ARHGAP17: variants seen among roughly 807,000 people sequenced by gnomAD.
ARHGAP17 encodes the protein rho GTPase-activating protein 17.
ARHGAP17 carries 57 observed loss-of-function variants against 99.5 expected under a neutral mutation model. That is an observed-to-expected ratio of 0.57 (90% CI 0.46 to 0.71). The LOEUF (loss-of-function observed/expected upper bound fraction) is 0.71. Among genes scored for constraint, ARHGAP17 ranks in the 30% least tolerant of loss-of-function variants. The pLI is 0.00. For synonymous variants in ARHGAP17, 417 were observed against 429.6 expected (o/e 0.97, Z 0.36); for missense variants, 1,000 against 1,122.4 (o/e 0.89, Z 1.56).
At chr16:24,965,954 C>G (rs1295181736) in intron 6 of ARHGAP17, among the ~76,000 whole-genome samples, 2 of 152,282 alleles carry the variant, frequency 1.3e-5, no homozygotes, top group Middle Eastern at 3.4e-3. Flanking sequence ...TTCAGCTTCT[C>G]CAACACCTAT....
chr16:24,978,914 A>G, intron 2 of ARHGAP17, 52 bp downstream of exon 2: 1 of 1,402,006 alleles, frequency 7.1e-7, no homozygotes, highest in Non-Finnish European at 9.6e-7. Context: ...TCACATAGGA[A>G]TTTTTTTCCA....
At chr16:24,953,492 T>G (rs1021466648) in intron 10 of ARHGAP17, among the ~76,000 whole-genome samples, 1 of 152,112 alleles carries the variant, frequency 6.6e-6, no homozygotes, top group African/African-American at 2.4e-5. Context: ...GAGTGAGATC[T>G]CACATGATCT....
At chr16:24,945,143 G>A (rs993881207) in intron 14 of ARHGAP17, among the ~76,000 whole-genome samples, 1 of 151,800 alleles carries the variant, frequency 6.6e-6, no homozygotes, top group African/African-American at 2.4e-5. Context: ...GGACAACATA[G>A]TGAAATCCCA....
chr16:24,941,662 C>G (rs1160465140), intron 16 of ARHGAP17: 1 of 275,392 alleles, frequency 3.6e-6, no homozygotes, highest in African/African-American at 2.3e-5. Context: ...AATTTATTTT[C>G]CTTTCTGTTT....
intron 1 of ARHGAP17, among the ~76,000 whole-genome samples, chr16:24,990,401 GT>G (rs2053002879): frequency 6.6e-6 from 1 of 151,884 alleles, no homozygotes; most frequent in Non-Finnish European, 1.5e-5. Flanking sequence ...TGGGAGGATT[GT>G]TTGAGCCCAG....
intron 6 of ARHGAP17, among the ~76,000 whole-genome samples, chr16:24,964,631 T>C (rs2052117290): frequency 6.6e-6 from 1 of 152,154 alleles, no homozygotes; most frequent in Admixed American, 6.5e-5. Context: ...TGGCCAACCA[T>C]GGAATCCCTG....
chr16:24,968,628 C>T lies in ARHGAP17; in HGVS notation c.384+33G>A, dbSNP rs187031035. The T allele has an allele frequency of 2.8e-5, 45 of 1,607,732 alleles. No homozygotes were observed. In the African/African-American group the frequency reaches 3.6e-4, roughly 13 times the overall value. ...CTCACTGTCCAGCCCACACCACTCT[C>T]GGCTCTTCCGTGCTGCACGGTGAAG... On this transcript the variant is annotated intron_variant, in intron 5 of 19. Coordinates refer to ENST00000289968, the MANE Select transcript of ARHGAP17 (RefSeq NM_001006634.3).
chr16:24,988,160 T>C (rs552549912), intron 1 of ARHGAP17, among the ~76,000 whole-genome samples: 14 of 152,344 alleles, frequency 9.2e-5, no homozygotes, highest in Non-Finnish European at 1.8e-4. Context: ...TTTTACTGTT[T>C]TATCTCATTA....
At position 24,960,526 on chromosome 16, in the gene ARHGAP17, G is replaced by A. The variant is rs540979610; in HGVS notation, c.574-547C>T. On this transcript the variant is annotated intron_variant, in intron 7 of 19. Coordinates refer to ENST00000289968, the MANE Select transcript of ARHGAP17 (RefSeq NM_001006634.3). ...TGTGCCACTGCACTCCAGCCTGGCC[G>A]ATAGAGTGAGACTCTGTCTAAAAAA... 4.0e-5 allele frequency among the ~76,000 whole-genome samples: 6 copies of A among 150,082 alleles called. No individual in the cohort carries two copies. The South Asian group carries it at 6.4e-4, about 16-fold the overall frequency.
At chr16:25,008,965 A>G (rs1276236997) in intron 1 of ARHGAP17, among the ~76,000 whole-genome samples, 2 of 152,164 alleles carry the variant, frequency 1.3e-5, no homozygotes, top group East Asian at 3.8e-4. Flanking sequence ...CGACAAGAGG[A>G]CCTCTTTCCA....
chr16:24,979,035 G>GA, intron 1 of ARHGAP17, 30 bp from the exon 2 acceptor site: 1 of 1,516,724 alleles, frequency 6.6e-7, no homozygotes, highest in Non-Finnish European at 9.0e-7. Flanking sequence ...TTCAGAGTTA[G>GA]AAATCCAAAA....
chr16:24,982,999 T>TATATATATATATA (rs59028948), intron 1 of ARHGAP17, among the ~76,000 whole-genome samples: 6 of 21,982 alleles, frequency 2.7e-4, no homozygotes, highest in African/African-American at 5.7e-4. Flanking sequence ...TATATATATT[T>TATATATATATATA]TTTTTTTTTT....
intron 1 of ARHGAP17, among the ~76,000 whole-genome samples, chr16:25,002,209 G>C (rs949758203): frequency 6.6e-6 from 1 of 152,088 alleles, no homozygotes; most frequent in Non-Finnish European, 1.5e-5. Context: ...AGGAATCATT[G>C]TAAAACAATG....
chr16:24,944,933 G>A (rs1423728243), intron 14 of ARHGAP17, among the ~76,000 whole-genome samples: 1 of 151,328 alleles, frequency 6.6e-6, no homozygotes, highest in Non-Finnish European at 1.5e-5. Flanking sequence ...CTTTTATTAT[G>A]TTGAAACCTG....
At chr16:24,952,157 G>C (rs994810993) in intron 12 of ARHGAP17, 132 bp downstream of exon 12, 1 of 609,474 alleles carries the variant, frequency 1.6e-6, no homozygotes, top group Admixed American at 3.6e-5. Context: ...ATAAATAAGA[G>C]CTGAGACATG....
In ARHGAP17 at chr16:24,920,049, C is replaced by G; in HGVS notation, c.*81G>C. 6.4e-7 allele frequency: 1 copy of G among 1,555,718 alleles called. No homozygotes were observed. Among genetic ancestry groups the G allele is most frequent in the South Asian group, 1.2e-5 (1 of 84,850 alleles). On this transcript the variant is annotated 3_prime_UTR_variant, in exon 20 of 20. Transcript: ENST00000289968. Reference sequence around the variant, plus strand: ...CCTCCACTGAAAGCTTTTCACTGTTCGGTCTGCAAAGAAAGAGGTTCGCCT... The same window carrying G: ...CCTCCACTGAAAGCTTTTCACTGTTGGGTCTGCAAAGAAAGAGGTTCGCCT...
chr16:24,941,055 A>G (rs1199323463), intron 16 of ARHGAP17, among the ~76,000 whole-genome samples: 1 of 152,224 alleles, frequency 6.6e-6, no homozygotes, highest in African/African-American at 2.4e-5. Flanking sequence ...GGGTTCAGAG[A>G]GGTAATACGT....
chr16:24,941,872 C>T lies in ARHGAP17; in HGVS notation c.1490+115G>A. ...ATTCCAGAAACTATCTGGACACCAT[C>T]AGTCATGGGTGGATGGCGACCACTC... On this transcript the variant is annotated intron_variant, in intron 16 of 19. Transcript: ENST00000289968. 2.2e-6 allele frequency: 3 copies of T among 1,394,864 alleles called. No homozygotes were observed. The South Asian group carries it at 3.6e-5, about 17-fold the overall frequency. 86.4% of individuals were successfully genotyped at this position (1,394,864 alleles called of 1,614,324 possible). A position where few individuals can be genotyped will look rare whatever the true frequency, so the allele number is the denominator to read the frequency against.
intron 1 of ARHGAP17, among the ~76,000 whole-genome samples, chr16:25,014,387 A>T (rs940197205): frequency 1.3e-5 from 2 of 152,138 alleles, no homozygotes; most frequent in Non-Finnish European, 2.9e-5. Flanking sequence ...ACCACAAATC[A>T]TTTCTTGTTC....
Sources: allele counts gnomAD v4.1 joint callset (sites outside exome capture counted in the v4.1 genomes callset), GRCh38; gene constraint gnomAD v4.1.1; transcripts MANE v1.5; gene names NCBI Gene and HGNC (gene_info 2026-07-23, HGNC 2026-07-21).